Variants in PSMA1 observed in about 807,000 individuals in gnomAD.
PSMA1 encodes the protein proteasome subunit alpha type-1.
A neutral mutation model predicts 38.4 loss-of-function variants in PSMA1; 3 were observed. That is an observed-to-expected ratio of 0.08 (90% CI 0.04 to 0.20). PSMA1 has a LOEUF of 0.20. Among genes scored for constraint, PSMA1 ranks in the 10% least tolerant of loss-of-function variants. The pLI, the probability that PSMA1 is intolerant of heterozygous loss-of-function variation, is 1.00. For synonymous variants in PSMA1, 101 were observed against 107.1 expected, an observed-to-expected ratio of 0.94 and a Z score of 0.35; for missense variants, 227 against 325.3, an observed-to-expected ratio of 0.70 and a Z score of 2.32.
chr11:14,569,254 A>G (rs1852109452), intron 2 of PSMA1, among the ~76,000 whole-genome samples: 1 of 152,096 alleles, frequency 6.6e-6, no homozygotes, highest in Non-Finnish European at 1.5e-5. Context: ...AGGTTCAAAG[A>G]TGGCCAAATA....
At chr11:14,566,013 A>T (rs1225670686) in intron 2 of PSMA1, among the ~76,000 whole-genome samples, 1 of 152,186 alleles carries the variant, frequency 6.6e-6, no homozygotes, top group African/African-American at 2.4e-5. Context: ...GGGCAGCTGG[A>T]ACAAAGGCCC....
intron 2 of PSMA1, among the ~76,000 whole-genome samples, chr11:14,536,138 A>G (rs1442575920): frequency 1.3e-5 from 2 of 152,220 alleles, no homozygotes; most frequent in East Asian, 3.8e-4. Context: ...CCTTCAAAAA[A>G]TATTTGTTGA....
intron 1 of PSMA1, among the ~76,000 whole-genome samples, chr11:14,634,431 C>G (rs1400207876): frequency 6.6e-6 from 1 of 151,856 alleles, no homozygotes; most frequent in African/African-American, 2.4e-5. Flanking sequence ...TAAATATTTG[C>G]TGAATGGAAT....
intron 2 of PSMA1, among the ~76,000 whole-genome samples, chr11:14,608,541 C>A (rs1590009397): frequency 6.7e-6 from 1 of 148,586 alleles, no homozygotes; most frequent in South Asian, 2.1e-4. Context: ...TGCACATGTA[C>A]CCTAAAACTT....
chr11:14,617,695 ATATG>A lies in PSMA1; in HGVS notation c.-165-6548_-165-6545del, dbSNP rs199895819. Among the ~76,000 whole-genome samples the A allele has an allele frequency of 2.7e-3, 397 of 146,290 alleles. 3 individuals are homozygous for A. Among genetic ancestry groups the A allele is most frequent in the African/African-American group, 9.8e-3 (377 of 38,432 alleles). ...TATACATATATATACGTATATATATATATGTGTGTGTGTGTGTGTGTGTGTGTAT... is the reference window on the plus strand; with the variant it reads ...TATACATATATATACGTATATATATATGTGTGTGTGTGTGTGTGTGTGTAT... On this transcript the variant is annotated intron_variant, in intron 1 of 10. Coordinates refer to the PSMA1 transcript ENST00000418988.
At chr11:14,515,027 T>C (rs931915719) in intron 4 of PSMA1, among the ~76,000 whole-genome samples, 4 of 152,208 alleles carry the variant, frequency 2.6e-5, no homozygotes, top group African/African-American at 9.6e-5. Context: ...CACTGTTAAA[T>C]CTGATGAAAT....
At chr11:14,584,470 T>C (rs746448486) in intron 2 of PSMA1, among the ~76,000 whole-genome samples, 1 of 152,020 alleles carries the variant, frequency 6.6e-6, no homozygotes, top group Non-Finnish European at 1.5e-5. Flanking sequence ...TAATAGGCTA[T>C]GTGATAATAT....
At chr11:14,580,824 C>T (rs1274747925) in intron 2 of PSMA1, among the ~76,000 whole-genome samples, 1 of 152,112 alleles carries the variant, frequency 6.6e-6, no homozygotes, top group Non-Finnish European at 1.5e-5. Flanking sequence ...AGAGATTATC[C>T]AGTTTGGAGG....
intron 9 of PSMA1, 41 bp from the exon 10 acceptor site, chr11:14,505,289 A>G: frequency 1.3e-6 from 2 of 1,515,330 alleles, no homozygotes; most frequent in African/African-American, 1.4e-5. Flanking sequence ...TAAAATGAAC[A>G]CTTGATCAAT....
intron 2 of PSMA1, among the ~76,000 whole-genome samples, chr11:14,570,480 C>A (rs1168176022): frequency 6.6e-6 from 1 of 152,044 alleles, no homozygotes; most frequent in Non-Finnish European, 1.5e-5. Flanking sequence ...AAAAATTAGA[C>A]AAATGGCCAA....
At chr11:14,541,587 C>G (rs966482979) in intron 2 of PSMA1, among the ~76,000 whole-genome samples, 2 of 152,202 alleles carry the variant, frequency 1.3e-5, no homozygotes, top group Non-Finnish European at 2.9e-5. Context: ...AGCCTTGACT[C>G]TGCTTCCCCA....
chr11:14,510,676 GT>G (rs1163569361), intron 8 of PSMA1, among the ~76,000 whole-genome samples, 195 bp downstream of exon 8: 1 of 152,028 alleles, frequency 6.6e-6, no homozygotes, highest in African/African-American at 2.4e-5. Context: ...AAATTTACTG[GT>G]TTTACTGCTT....
chr11:14,574,116 A>C (rs1236802951), intron 2 of PSMA1, among the ~76,000 whole-genome samples: 2 of 152,190 alleles, frequency 1.3e-5, no homozygotes, highest in African/African-American at 4.8e-5. Flanking sequence ...GGTAGAAAAG[A>C]AACACCCATT....
chr11:14,511,390 A>C (rs980751631), intron 7 of PSMA1, among the ~76,000 whole-genome samples: 7 of 152,130 alleles, frequency 4.6e-5, no homozygotes, highest in Non-Finnish European at 1.0e-4. Flanking sequence ...ATGCAAAAAC[A>C]AAACAAAACA....
chr11:14,569,990 G>A (rs1175042056), intron 2 of PSMA1, among the ~76,000 whole-genome samples: 1 of 152,176 alleles, frequency 6.6e-6, no homozygotes, highest in Non-Finnish European at 1.5e-5. Context: ...CATACAGGCA[G>A]GTAGCCCTCT....
rs1327545879 is a variant in PSMA1, at chr11:14,617,695, A to ATG, written c.-165-6545_-165-6544insCA. Among the ~76,000 whole-genome samples the ATG allele has an allele frequency of 9.2e-4, 134 of 146,306 alleles. 3 individuals are homozygous for ATG. The highest frequency in any genetic ancestry group is 2.7e-3 in the African/African-American group (104 of 38,442). On this transcript the variant is annotated intron_variant, in intron 1 of 10. Transcript: ENST00000418988. ...TATACATATATATACGTATATATATATATGTGTGTGTGTGTGTGTGTGTGT... is the reference window on the plus strand; with the variant it reads ...TATACATATATATACGTATATATATATGTATGTGTGTGTGTGTGTGTGTGTGT...
At chr11:14,603,030 G>C (rs1852603413) in intron 2 of PSMA1, among the ~76,000 whole-genome samples, 1 of 152,230 alleles carries the variant, frequency 6.6e-6, no homozygotes, top group Admixed American at 6.5e-5. Context: ...AAGCAACTGT[G>C]AGAAGAATCA....
At chr11:14,517,331 C>T (rs1851446498) in intron 4 of PSMA1, among the ~76,000 whole-genome samples, 1 of 152,174 alleles carries the variant, frequency 6.6e-6, no homozygotes, top group Admixed American at 6.5e-5. Flanking sequence ...TCAGCTTGTC[C>T]TTAGAAACCA....
chr11:14,615,406 G>C lies in PSMA1; in HGVS notation c.-165-4255C>G, dbSNP rs573084702. 5.3e-5 allele frequency among the ~76,000 whole-genome samples: 8 copies of C among 152,290 alleles called. No individual in the cohort carries two copies. The South Asian group carries it at 1.7e-3, about 32-fold the overall frequency. ...ACTTTCTGGTAGATTTGAACAGTGG[G>C]ACACGCTGAAAGAAACTCAGAGGAC... is the stretch of plus-strand genomic sequence containing the variant. On this transcript the variant is annotated intron_variant, in intron 1 of 10. Coordinates refer to the PSMA1 transcript ENST00000418988.
Sources: gnomAD v4.1 joint callset for allele counts (sites outside exome capture counted in the v4.1 genomes callset) on GRCh38, gnomAD v4.1.1 for gene constraint, MANE v1.5 for transcripts, NCBI Gene and HGNC (gene_info 2026-07-23, HGNC 2026-07-21) for gene names.